CDH13: variants seen among roughly 807,000 people sequenced by gnomAD.
CDH13 encodes the protein cadherin 13, also known as cadherin-13.
CDH13 carries 24 observed loss-of-function variants against 63.8 expected under a neutral mutation model. The observed-to-expected ratio is 0.38, with a 90% CI of 0.27 to 0.53. The LOEUF is 0.53. CDH13 is among the 20% of genes least tolerant of loss of function. The pLI, the probability that CDH13 is intolerant of heterozygous loss-of-function variation, is 0.85. For synonymous variants in CDH13, 503 were observed against 355.3 expected (o/e 1.42, Z -4.67); for missense variants, 1,049 against 903.1 (o/e 1.16, Z -2.07).
At chr16:83,634,253 T>C (rs918698898) in intron 8 of CDH13, among the ~76,000 whole-genome samples, 2 of 150,806 alleles carry the variant, frequency 1.3e-5, no homozygotes, top group Non-Finnish European at 1.5e-5. Flanking sequence ...GGGCTACCTG[T>C]CTTGCTACTC....
At chr16:83,289,995 A>G (rs2089425937) in intron 5 of CDH13, among the ~76,000 whole-genome samples, 1 of 152,152 alleles carries the variant, frequency 6.6e-6, no homozygotes, top group African/African-American at 2.4e-5. Context: ...GCTTCTCCCC[A>G]GAGGGAACCA....
intron 2 of CDH13, chr16:82,884,093 T>C (rs569551023): frequency 9.2e-5 from 41 of 443,642 alleles, no homozygotes; most frequent in Admixed American, 5.6e-4. Flanking sequence ...TAGATGTTCA[T>C]TAGGTGAATA....
At chr16:83,220,320 C>T (rs138931335) in intron 5 of CDH13, among the ~76,000 whole-genome samples, 94 of 152,276 alleles carry the variant, frequency 6.2e-4, no homozygotes, top group African/African-American at 2.0e-3. Flanking sequence ...ACTTTGGGCA[C>T]AGGAATGTTG....
At chr16:83,325,709 A>G (rs1282796451) in intron 5 of CDH13, among the ~76,000 whole-genome samples, 1 of 152,134 alleles carries the variant, frequency 6.6e-6, no homozygotes, top group Admixed American at 6.5e-5. Context: ...TCTCCCCAGA[A>G]TCCCATATTT....
intron 1 of CDH13, among the ~76,000 whole-genome samples, chr16:82,788,458 C>A (rs189992186): frequency 1.3e-5 from 2 of 152,044 alleles, no homozygotes. Context: ...CATTTTCCAG[C>A]GTCACTCTCA....
chr16:82,717,254 G>A (rs1301658537), intron 1 of CDH13, among the ~76,000 whole-genome samples: 3 of 151,936 alleles, frequency 2.0e-5, no homozygotes, highest in Non-Finnish European at 4.4e-5. Context: ...TAAGGGTATG[G>A]TGAAATCCCA....
At position 83,480,293 on chromosome 16, in the gene CDH13, G is replaced by C. The variant is rs1405075544; in HGVS notation, c.782-6184G>C. ...ATCATACCACTGCGCTCCAACCTAG[G>C]TGACAGAGGGAGACCCTGTCTCAAA... is the stretch of plus-strand genomic sequence containing the variant. On this transcript the variant is annotated intron_variant, in intron 6 of 13. Transcript: ENST00000567109. Among the ~76,000 whole-genome samples the C allele has an allele frequency of 2.0e-5, 3 of 152,152 alleles. No homozygotes were observed. In the East Asian group the frequency reaches 5.8e-4, roughly 29 times the overall value.
intron 4 of CDH13, among the ~76,000 whole-genome samples, chr16:83,212,783 A>G (rs541813106): frequency 2.0e-5 from 3 of 152,264 alleles, no homozygotes; most frequent in East Asian, 3.9e-4. Context: ...ATTGCCAGCA[A>G]TTCTCCCCCT....
At chr16:83,505,397 C>T (rs1006386684) in intron 7 of CDH13, among the ~76,000 whole-genome samples, 4 of 152,152 alleles carry the variant, frequency 2.6e-5, no homozygotes, top group Admixed American at 2.0e-4. Flanking sequence ...GATTCCTCCC[C>T]CAGGACCCTC....
rs182151938 is a variant in CDH13 at position 83,534,298 on chromosome 16, C to T, written c.960+47643C>T. On this transcript the variant is annotated intron_variant, in intron 7 of 13. Transcript: ENST00000567109. ...ATCCTCACAGCCTGGATTCAAATAC[C>T]AGTCCCTTCATTTTTCAGCTTTGTG... Among the ~76,000 whole-genome samples, 236 of 152,310 alleles carry T rather than the reference C, an allele frequency of 1.5e-3. 2 individuals carry two copies. Among genetic ancestry groups the T allele is most frequent in the African/African-American group, 5.4e-3 (225 of 41,566 alleles).
intron 2 of CDH13, among the ~76,000 whole-genome samples, chr16:83,019,214 A>T (rs543291460): frequency 6.6e-6 from 1 of 152,300 alleles, no homozygotes; most frequent in East Asian, 1.9e-4. Flanking sequence ...TATTTTCTTT[A>T]TATCCTTATT....
At chr16:83,258,729 T>C (rs1906603004) in intron 5 of CDH13, among the ~76,000 whole-genome samples, 1 of 152,220 alleles carries the variant, frequency 6.6e-6, no homozygotes, top group Non-Finnish European at 1.5e-5. Context: ...GGGGTGTTTG[T>C]ATGTGCGCGT....
chr16:82,877,627 G>GT (rs1262968408), intron 2 of CDH13, among the ~76,000 whole-genome samples: 2 of 152,058 alleles, frequency 1.3e-5, no homozygotes, highest in East Asian at 1.9e-4. Context: ...ATTCTGTTTT[G>GT]TTTTTTAATT....
rs1429213393 is a variant in CDH13 at position 83,795,599 on chromosome 16, C to A, written c.*569C>A. ...GCTCCGAAGCTACTTCTCCACTGTC[C>A]CGTTCAGTCTGAATGCTGCCACAAC... On this transcript the variant is annotated 3_prime_UTR_variant, in exon 14 of 14. Coordinates refer to ENST00000567109, the MANE Select transcript of CDH13 (RefSeq NM_001257.5). The A allele has an allele frequency of 1.0e-4, 16 of 152,530 alleles. No individual in the cohort carries two copies. Among genetic ancestry groups the A allele is most frequent in the Non-Finnish European group, 1.9e-4 (13 of 68,358 alleles). 9.4% of individuals were successfully genotyped at this position (152,530 alleles called of 1,614,324 possible).
At chr16:83,415,576 G>A (rs56862787) in intron 6 of CDH13, among the ~76,000 whole-genome samples, 4,115 of 152,228 alleles carry the variant, frequency 0.027, 171 homozygotes, top group African/African-American at 0.093. Flanking sequence ...ATGATCAAGT[G>A]TGCATGGGAG....
chr16:83,569,628 C>G (rs910044154), intron 7 of CDH13, among the ~76,000 whole-genome samples: 1 of 152,160 alleles, frequency 6.6e-6, no homozygotes, highest in Non-Finnish European at 1.5e-5. Flanking sequence ...CCCAAGATAA[C>G]AAGATTTCTG....
At chr16:82,753,205 T>C (rs1483997105) in intron 1 of CDH13, among the ~76,000 whole-genome samples, 1 of 152,210 alleles carries the variant, frequency 6.6e-6, no homozygotes, top group African/African-American at 2.4e-5. Flanking sequence ...AGACAGGTCG[T>C]GGTACAGAAG....
At chr16:82,884,247 T>C (rs929848) in intron 2 of CDH13, 339,672 of 454,008 alleles carry the variant, frequency 0.75, 128,007 homozygotes, top group East Asian at 0.9. Context: ...TGGGCTCCCA[T>C]GAGAAGGAAA....
intron 1 of CDH13, among the ~76,000 whole-genome samples, chr16:82,665,211 G>A (rs913965854): frequency 6.6e-6 from 1 of 152,020 alleles, no homozygotes; most frequent in Non-Finnish European, 1.5e-5. Flanking sequence ...TGGCAATTTT[G>A]CTGTCAAAAT....
Sources: gnomAD v4.1 joint callset for allele counts (sites outside exome capture counted in the v4.1 genomes callset) on GRCh38, gnomAD v4.1.1 for gene constraint, MANE v1.5 for transcripts, NCBI Gene and HGNC (gene_info 2026-07-23, HGNC 2026-07-21) for gene names.